Variants in RMDN2 observed in about 807,000 individuals in gnomAD.
The protein encoded by RMDN2 is regulator of microtubule dynamics protein 2.
A neutral mutation model predicts 52.8 loss-of-function variants in RMDN2; 61 were observed. That is an observed-to-expected ratio of 1.16 (90% CI 0.94 to 1.43). RMDN2 has a LOEUF of 1.43. Among genes scored for constraint, RMDN2 ranks in the 40% most tolerant of loss-of-function variants. The pLI is 0.00. For missense variants in RMDN2, 592 were observed against 475.3 expected (o/e 1.25, Z -2.28); for synonymous variants, 180 against 153.1 (o/e 1.18, Z -1.30).
chr2:37,968,460 A>AT (rs1558487206), intron 2 of RMDN2, among the ~76,000 whole-genome samples: 13 of 140,290 alleles, frequency 9.3e-5, no homozygotes. Flanking sequence ...AAAAAAAAAA[A>AT]AGAAAGTCTG....
chr2:37,987,489 CA>C (rs1195459964), intron 5 of RMDN2, among the ~76,000 whole-genome samples: 1 of 151,958 alleles, frequency 6.6e-6, no homozygotes, highest in Non-Finnish European at 1.5e-5. Context: ...TGGGAAAGAC[CA>C]AACTATGGAG....
chr2:37,980,794 CTT>C (rs1205313725), intron 4 of RMDN2, among the ~76,000 whole-genome samples: 2 of 146,646 alleles, frequency 1.4e-5, no homozygotes, highest in Non-Finnish European at 1.5e-5. Flanking sequence ...TCACCTTGGT[CTT>C]TTTTTTTTTC....
intron 10 of RMDN2, among the ~76,000 whole-genome samples, chr2:38,009,491 G>C (rs184053668): frequency 1.3e-5 from 2 of 152,104 alleles, no homozygotes; most frequent in East Asian, 3.9e-4. Flanking sequence ...CTTTCTTCCA[G>C]TTGATCAAAT....
intron 4 of RMDN2, among the ~76,000 whole-genome samples, chr2:37,976,039 G>A (rs1338802119): frequency 1.3e-5 from 2 of 152,216 alleles, no homozygotes; most frequent in African/African-American, 4.8e-5. Flanking sequence ...TTCCTGTAAT[G>A]TAGAACTCTA....
At chr2:37,988,140 G>T (rs1381093784) in intron 5 of RMDN2, among the ~76,000 whole-genome samples, 1 of 152,176 alleles carries the variant, frequency 6.6e-6, no homozygotes, top group Non-Finnish European at 1.5e-5. Context: ...TTTCTGCTCA[G>T]TTTTGCTGAG....
At chr2:37,992,052 A>G (rs976884655) in intron 7 of RMDN2, among the ~76,000 whole-genome samples, 1 of 152,204 alleles carries the variant, frequency 6.6e-6, no homozygotes, top group African/African-American at 2.4e-5. Context: ...CTTTTATTGA[A>G]CACCTGCTCT....
At chr2:38,057,261 A>G (rs1681885575) in intron 10 of RMDN2, among the ~76,000 whole-genome samples, 1 of 152,248 alleles carries the variant, frequency 6.6e-6, no homozygotes, top group African/African-American at 2.4e-5. Context: ...GGTCTTTGTT[A>G]CAACTACCCA....
intron 10 of RMDN2, among the ~76,000 whole-genome samples, chr2:38,045,775 T>A (rs533458237): frequency 6.6e-6 from 1 of 152,352 alleles, no homozygotes; most frequent in South Asian, 2.1e-4. Flanking sequence ...GTATGAGAGT[T>A]CTACCAAGGT....
At chr2:37,955,763 A>G (rs908799481) in intron 2 of RMDN2, among the ~76,000 whole-genome samples, 1 of 152,104 alleles carries the variant, frequency 6.6e-6, no homozygotes, top group Non-Finnish European at 1.5e-5. Flanking sequence ...GCTATGTGGA[A>G]CTGTAAGTCC....
chr2:38,063,769 T>G (rs1408797737), intron 10 of RMDN2, among the ~76,000 whole-genome samples: 2 of 152,238 alleles, frequency 1.3e-5, no homozygotes, highest in Non-Finnish European at 2.9e-5. Context: ...TCTCATACTG[T>G]AGCGTTTTGC....
chr2:38,021,692 A>G (rs557974787), downstream of RMDN2, among the ~76,000 whole-genome samples: 3 of 152,334 alleles, frequency 2.0e-5, no homozygotes, highest in Admixed American at 6.5e-5. Flanking sequence ...GGAGTGTGCA[A>G]CGTACATCCC....
intron 2 of RMDN2, among the ~76,000 whole-genome samples, chr2:37,946,831 A>T (rs1668260564): frequency 6.6e-6 from 1 of 152,122 alleles, no homozygotes; most frequent in South Asian, 2.1e-4. Context: ...AAGGCTGAGG[A>T]TGTGGAGAGT....
At chr2:38,010,497 G>A (rs1377280404) in intron 10 of RMDN2, among the ~76,000 whole-genome samples, 1 of 152,198 alleles carries the variant, frequency 6.6e-6, no homozygotes, top group Non-Finnish European at 1.5e-5. Context: ...CATGGGCATA[G>A]GACCCTCCGA....
intron 4 of RMDN2, among the ~76,000 whole-genome samples, chr2:37,980,208 C>T (rs1411787565): frequency 6.6e-6 from 1 of 152,074 alleles, no homozygotes; most frequent in Non-Finnish European, 1.5e-5. Context: ...AAAAGGGCCC[C>T]TTTTGAGAAA....
chr2:38,010,646 C>A (rs1026782390), intron 10 of RMDN2, among the ~76,000 whole-genome samples: 5 of 152,184 alleles, frequency 3.3e-5, no homozygotes, highest in Non-Finnish European at 7.3e-5. Flanking sequence ...ATTCCCTTAC[C>A]CTTTGCACTT....
intron 2 of RMDN2, among the ~76,000 whole-genome samples, chr2:37,963,479 T>C (rs1338379399): frequency 6.6e-6 from 1 of 152,164 alleles, no homozygotes; most frequent in African/African-American, 2.4e-5. Flanking sequence ...CCGCAGTGTT[T>C]GTGTCCCTGG....
In RMDN2 at chr2:37,997,547, G is replaced by C. The variant is rs371436793; in HGVS notation, c.1044+33G>C. 1.4e-5 allele frequency: 19 copies of C among 1,333,116 alleles called. No individual in the cohort carries two copies. In the African/African-American group the frequency reaches 2.5e-4, roughly 17 times the overall value. The allele number at this position is 1,333,116 out of a possible 1,614,324, so 82.6% of individuals were successfully genotyped here. ...TTGTGTATCCATTATTTTAGTGTCA[G>C]ACTGATTACCATCTGCACCAATCCC... is the stretch of plus-strand genomic sequence containing the variant. On this transcript the variant is annotated intron_variant, in intron 8 of 10. Coordinates refer to ENST00000354545, the MANE Select transcript of RMDN2 (RefSeq NM_001170791.3).
In RMDN2 at chr2:37,964,195, G is replaced by A. The variant is rs142889874; in HGVS notation, c.453-9845G>A. Among the ~76,000 whole-genome samples, 1,021 of 151,596 alleles carry A rather than the reference G, an allele frequency of 6.7e-3. 6 individuals carry two copies. The highest frequency in any genetic ancestry group is 0.023 in the African/African-American group (964 of 41,344). ...TTCTCAGACAGGGCAGCTGCCGGGC[G>A]GAGGGGCTCCTCACTTCTCAGACAG... On this transcript the variant is annotated intron_variant, in intron 2 of 10. Coordinates refer to ENST00000354545, the MANE Select transcript of RMDN2 (RefSeq NM_001170791.3).
intron 10 of RMDN2, among the ~76,000 whole-genome samples, chr2:38,045,504 C>G (rs559097516): frequency 2.4e-4 from 36 of 152,198 alleles, no homozygotes; most frequent in Non-Finnish European, 4.6e-4. Flanking sequence ...TTCTTCCTCA[C>G]CTTTTAGAAT....
Sources: gnomAD v4.1 joint callset for allele counts (sites outside exome capture counted in the v4.1 genomes callset) on GRCh38, gnomAD v4.1.1 for gene constraint, MANE v1.5 for transcripts, NCBI Gene and HGNC (gene_info 2026-07-23, HGNC 2026-07-21) for gene names.